RECK: variants seen among roughly 807,000 people sequenced by gnomAD.
The protein encoded by RECK is reversion inducing cysteine rich protein with kazal motifs.
A neutral mutation model predicts 115.1 loss-of-function variants in RECK; 69 were observed. The ratio of observed to expected loss-of-function variants is 0.60; its 90% CI spans 0.49 to 0.73. RECK has a LOEUF of 0.73. RECK is among the 30% of genes least tolerant of loss of function. RECK has a pLI of 0.00. For missense variants in RECK, 1,047 were observed against 1,203.7 expected (o/e 0.87, Z 1.93); for synonymous variants, 414 against 419.7 (o/e 0.99, Z 0.17).
At chr9:36,074,341 A>G (rs1377805988) in intron 6 of RECK, among the ~76,000 whole-genome samples, 1 of 152,174 alleles carries the variant, frequency 6.6e-6, no homozygotes, top group African/African-American at 2.4e-5. Context: ...ACTGATACAC[A>G]CTGAACCAAT....
intron 8 of RECK, among the ~76,000 whole-genome samples, chr9:36,084,835 G>A (rs1315412768): frequency 1.3e-5 from 2 of 152,002 alleles, no homozygotes; most frequent in African/African-American, 4.8e-5. Flanking sequence ...TGGGAGGATT[G>A]CCTGAGGTCA....
At chr9:36,038,794 A>AAAAC (rs563193137) in intron 1 of RECK, among the ~76,000 whole-genome samples, 2 of 151,830 alleles carry the variant, frequency 1.3e-5, no homozygotes, top group Admixed American at 6.6e-5. Flanking sequence ...TTCCTGTGGT[A>AAAAC]AAACAAACAA....
Position 36,043,889 on chromosome 9 carries a change from G to C in RECK, c.100+6791G>C, listed in dbSNP as rs151316427. ...TTCCTATGTGCCTATTTTTATACAA[G>C]TACCATGCTGTTTTGGTGACTATAG... On this transcript the variant is annotated intron_variant, in intron 1 of 20. Transcript: ENST00000377966. 6.1e-3 allele frequency among the ~76,000 whole-genome samples: 935 copies of C among 152,192 alleles called. 10 individuals are homozygous for C. Among genetic ancestry groups the C allele is most frequent in the African/African-American group, 0.021 (869 of 41,506 alleles).
intron 6 of RECK, among the ~76,000 whole-genome samples, chr9:36,069,693 A>G (rs10972714): frequency 0.083 from 12,610 of 152,130 alleles, 882 homozygotes; most frequent in South Asian, 0.18. Flanking sequence ...GGACACAGGA[A>G]GGATAGAGTG....
intron 20 of RECK, 129 bp downstream of exon 20, chr9:36,121,817 G>C: frequency 2.0e-6 from 2 of 977,618 alleles, no homozygotes; most frequent in South Asian, 1.6e-5. Context: ...GGGAAGTTCA[G>C]CGGGACAGGA....
In RECK at chr9:36,102,310, A is replaced by G; in HGVS notation, c.1435+80A>G. On this transcript the variant is annotated intron_variant, in intron 12 of 20. Transcript: ENST00000377966. Reference sequence around the variant, plus strand: ...CTATTTGTTTTACTATTTGTTTTGGATGAGCATTTATCTGTTGAGAACATG... The same window carrying G: ...CTATTTGTTTTACTATTTGTTTTGGGTGAGCATTTATCTGTTGAGAACATG... 3.2e-6 allele frequency: 4 copies of G among 1,236,950 alleles called. No homozygotes were observed. In the South Asian group the frequency reaches 5.7e-5, roughly 18 times the overall value. The allele number at this position is 1,236,950 out of a possible 1,614,324, so 76.6% of individuals were successfully genotyped here.
chr9:36,073,240 AG>A (rs1186267088), intron 6 of RECK, among the ~76,000 whole-genome samples: 2 of 56,242 alleles, frequency 3.6e-5, no homozygotes, highest in Admixed American at 3.2e-4. Context: ...AGACACACAC[AG>A]ACACACACAC....
At chr9:36,062,075 A>G (rs895785297) in intron 4 of RECK, among the ~76,000 whole-genome samples, 1 of 151,992 alleles carries the variant, frequency 6.6e-6, no homozygotes, top group African/African-American at 2.4e-5. Context: ...GCATAAGGCA[A>G]TTTTAAAGGA....
chr9:36,085,730 A>G (rs1822929929), intron 8 of RECK: 1 of 152,166 alleles, frequency 6.6e-6, no homozygotes, highest in Admixed American at 6.6e-5. Context: ...GGGAAAAAAA[A>G]AGATGAAAAG....
rs572945985 is a variant in RECK at position 36,124,279 on chromosome 9, A to G, written c.*1234A>G. Reference sequence around the variant, plus strand: ...GTATTATATGTACCCTCTGAAATACATAGGGATATGCGTATTATACCAAAA... The same window carrying G: ...GTATTATATGTACCCTCTGAAATACGTAGGGATATGCGTATTATACCAAAA... On this transcript the variant is annotated 3_prime_UTR_variant, in exon 21 of 21. Coordinates refer to ENST00000377966, the MANE Select transcript of RECK (RefSeq NM_021111.3). 3 of 152,784 alleles carry G rather than the reference A, an allele frequency of 2.0e-5. No individual in the cohort carries two copies. The highest frequency in any genetic ancestry group is 3.9e-4 in the East Asian group (2 of 5,190). 9.5% of individuals were successfully genotyped at this position (152,784 alleles called of 1,614,324 possible).
At chr9:36,118,130 C>T (rs1361058297) in intron 17 of RECK, among the ~76,000 whole-genome samples, 2 of 152,246 alleles carry the variant, frequency 1.3e-5, no homozygotes, top group Non-Finnish European at 2.9e-5. Flanking sequence ...TTCACATTCT[C>T]TGGTCTTCAT....
intron 2 of RECK, among the ~76,000 whole-genome samples, chr9:36,052,760 G>T (rs933397984): frequency 2.6e-5 from 4 of 152,114 alleles, no homozygotes; most frequent in African/African-American, 9.7e-5. Context: ...ACAAAGAAAG[G>T]CTAAGAAACT....
chr9:36,039,203 A>G (rs1820779425), intron 1 of RECK, among the ~76,000 whole-genome samples: 1 of 152,186 alleles, frequency 6.6e-6, no homozygotes, highest in Admixed American at 6.5e-5. Flanking sequence ...AAAGTGAGAC[A>G]TGTTCCTTAT....
chr9:36,096,627 GA>G (rs943277376), intron 10 of RECK, among the ~76,000 whole-genome samples: 23 of 152,036 alleles, frequency 1.5e-4, no homozygotes, highest in African/African-American at 4.8e-4. Context: ...TATGGAGGGG[GA>G]AAAAATGAAC....
Position 36,052,280 on chromosome 9 carries a change from A to G in RECK, c.116A>G (p.Asn39Ser), listed in dbSNP as rs1317231103. The G allele has an allele frequency of 1.6e-5, 25 of 1,608,698 alleles. No individual in the cohort carries two copies. Among genetic ancestry groups the G allele is most frequent in the East Asian group, 2.2e-5 (1 of 44,834 alleles). ...TTCTCCCTAGGTGCATTGTGTTGTA[A>G]TCATTCAAAGGATAACCAAATGTGC... Reference protein sequence around the residue: ...APGSAGALCCNHSKDNQMCRD... With the variant: ...APGSAGALCCSHSKDNQMCRD... Residue 39 changes from asparagine to serine, a missense_variant, in exon 2 of 21, where the codon AAT becomes AGT. Physicochemically the swap from Asn to Ser is conservative, Grantham distance 46. Coordinates refer to ENST00000377966, the MANE Select transcript of RECK (RefSeq NM_021111.3).
In RECK at chr9:36,099,224, TCAACAACAACAACAACAACAACAA is replaced by T. The variant is rs60403523; in HGVS notation, c.1086-1083_1086-1060del. The stretch of plus-strand genomic sequence containing the variant: ...CTGGGTGACAGAGTGAGAACCTGTC[TCAACAACAACAACAACAACAACAA>T]CAACAACAACAACAACAACAACAGT... On this transcript the variant is annotated intron_variant, in intron 10 of 20. Coordinates refer to ENST00000377966, the MANE Select transcript of RECK (RefSeq NM_021111.3). Among the ~76,000 whole-genome samples the T allele has an allele frequency of 4.4e-4, 64 of 146,982 alleles. 2 individuals carry two copies. In the South Asian group the frequency reaches 0.013, roughly 30 times the overall value.
At chr9:36,057,233 A>G (rs1295179954) in intron 2 of RECK, among the ~76,000 whole-genome samples, 5 of 151,688 alleles carry the variant, frequency 3.3e-5, no homozygotes, top group South Asian at 2.1e-4. Flanking sequence ...TATGAATTTG[A>G]TCTTCACCAG....
At chr9:36,058,779 T>G in intron 2 of RECK, 48 bp from the exon 3 acceptor site, 2 of 1,423,058 alleles carry the variant, frequency 1.4e-6, no homozygotes, top group South Asian at 2.4e-5. Flanking sequence ...CCTCTTCTTA[T>G]TTCTTATAGA....
At chr9:36,096,881 C>G (rs1823363245) in intron 10 of RECK, among the ~76,000 whole-genome samples, 1 of 151,758 alleles carries the variant, frequency 6.6e-6, no homozygotes, top group Non-Finnish European at 1.5e-5. Flanking sequence ...AAGTCATAGA[C>G]TTGAGAGGGA....
Sources: gnomAD v4.1 joint callset for allele counts (sites outside exome capture counted in the v4.1 genomes callset) on GRCh38, gnomAD v4.1.1 for gene constraint, MANE v1.5 for transcripts, NCBI Gene and HGNC (gene_info 2026-07-23, HGNC 2026-07-21) for gene names.